Variants in SVOPL observed in about 807,000 individuals in gnomAD.
The protein encoded by SVOPL is putative transporter SVOPL.
A neutral mutation model predicts 61.0 loss-of-function variants in SVOPL; 60 were observed. The observed-to-expected ratio is 0.98, with a 90% CI of 0.80 to 1.22. SVOPL has a LOEUF of 1.22. Among genes scored for constraint, SVOPL ranks in the 50% most tolerant of loss-of-function variants. SVOPL has a pLI of 0.00. For missense variants in SVOPL, 662 were observed against 643.9 expected, an observed-to-expected ratio of 1.03 and a Z score of -0.30; for synonymous variants, 279 against 250.0, an observed-to-expected ratio of 1.12 and a Z score of -1.09.
chr7:138,651,361 G>T (rs1192900691), intron 7 of SVOPL, among the ~76,000 whole-genome samples: 3 of 152,124 alleles, frequency 2.0e-5, no homozygotes, highest in Admixed American at 6.6e-5. Context: ...AGGCCTCTTT[G>T]GTTGGTACAA....
chr7:138,634,483 GA>G (rs111254302), intron 9 of SVOPL, among the ~76,000 whole-genome samples: 18,935 of 136,488 alleles, frequency 0.14, 2,028 homozygotes, highest in African/African-American at 0.31. Flanking sequence ...TACAAAATAA[GA>G]AAAAAAAAAA....
intron 14 of SVOPL, among the ~76,000 whole-genome samples, chr7:138,602,079 C>T (rs1798547690): frequency 6.6e-6 from 1 of 152,076 alleles, no homozygotes; most frequent in East Asian, 1.9e-4. Flanking sequence ...CATGGTGGTG[C>T]ATGCTTATAG....
intron 5 of SVOPL, chr7:138,661,308 C>A: frequency 2.0e-6 from 2 of 985,436 alleles, no homozygotes; most frequent in Non-Finnish European, 1.2e-6. Flanking sequence ...GCTATACCAA[C>A]ATGAGCAAAA....
chr7:138,612,122 G>T (rs1388757438), intron 14 of SVOPL, among the ~76,000 whole-genome samples: 1 of 27,190 alleles, frequency 3.7e-5, no homozygotes, highest in Non-Finnish European at 7.9e-5. Flanking sequence ...TCTGAAACAT[G>T]TGCTGTGTCC....
intron 1 of SVOPL, among the ~76,000 whole-genome samples, chr7:138,700,739 C>G (rs1584876266): frequency 6.7e-6 from 1 of 149,438 alleles, no homozygotes; most frequent in East Asian, 1.9e-4. Context: ...TCAGTTAGAC[C>G]AACTCAGGAA....
At chr7:138,630,771 C>T (rs567703037) in intron 9 of SVOPL, among the ~76,000 whole-genome samples, 3 of 152,078 alleles carry the variant, frequency 2.0e-5, no homozygotes, top group Middle Eastern at 3.4e-3. Context: ...GGCGAAAGCC[C>T]GTCTCTACCA....
chr7:138,680,549 A>G (rs573840240), intron 1 of SVOPL, among the ~76,000 whole-genome samples: 2 of 151,512 alleles, frequency 1.3e-5, no homozygotes, highest in Admixed American at 1.3e-4. Context: ...GTACCAAGTC[A>G]GTGGCTTACC....
intron 13 of SVOPL, among the ~76,000 whole-genome samples, chr7:138,624,693 CT>C (rs35627200): frequency 3.9e-3 from 537 of 137,928 alleles, no homozygotes; most frequent in African/African-American, 6.2e-3. Context: ...TAGAACCAAA[CT>C]TTTTTTTTTT....
At chr7:138,665,997 G>A (rs1356872594) in intron 4 of SVOPL, among the ~76,000 whole-genome samples, 2 of 152,182 alleles carry the variant, frequency 1.3e-5, no homozygotes, top group Admixed American at 1.3e-4. Context: ...GCAACAGAGT[G>A]CATCACTGTC....
In SVOPL at chr7:138,630,088, G is replaced by T. The variant is rs771352943; in HGVS notation, c.824C>A (p.Ala275Asp). The change falls in exon 10 of 16, where the codon GCT (alanine) becomes GAT (aspartate). Residue 275 changes from alanine (A) to aspartate (D), a missense_variant. Physicochemically the swap from Ala to Asp is moderately radical, Grantham distance 126 (BLOSUM62 -2). Coordinates refer to ENST00000674285, the MANE Select transcript of SVOPL (RefSeq NM_001139456.2). ...KRGRFADLLD[A>D]KYLRTTLQIW... ...CTGTAATGTGGTCCGTAAATATTTA[G>T]CATCCAATAGGTCTGCAAATCTTCC... 6.2e-7 allele frequency: 1 copy of T among 1,613,888 alleles called. No homozygotes were observed. Among genetic ancestry groups the T allele is most frequent in the South Asian group, 1.1e-5 (1 of 91,080 alleles).
At chr7:138,647,429 T>C (rs755872170) in intron 8 of SVOPL, among the ~76,000 whole-genome samples, 10 of 152,084 alleles carry the variant, frequency 6.6e-5, no homozygotes, top group Non-Finnish European at 1.5e-4. Flanking sequence ...GATAGCTCTA[T>C]GGTCTTCCTG....
intron 4 of SVOPL, among the ~76,000 whole-genome samples, chr7:138,665,930 A>G (rs1802244931): frequency 6.6e-6 from 1 of 152,218 alleles, no homozygotes; most frequent in Non-Finnish European, 1.5e-5. Context: ...TCTGAAAACC[A>G]CAGCCTTGCA....
intron 9 of SVOPL, among the ~76,000 whole-genome samples, chr7:138,632,413 G>A (rs1221167334): frequency 6.6e-6 from 1 of 152,090 alleles, no homozygotes; most frequent in Non-Finnish European, 1.5e-5. Flanking sequence ...CAGCCTGGGT[G>A]ACAAGAGCAA....
At chr7:138,654,473 C>T (rs1801602049) in intron 7 of SVOPL, among the ~76,000 whole-genome samples, 1 of 146,692 alleles carries the variant, frequency 6.8e-6, no homozygotes, top group African/African-American at 2.5e-5. Context: ...GACAGCATGT[C>T]TGTTTACAGC....
At chr7:138,635,606 G>A (rs1248386198) in intron 9 of SVOPL, among the ~76,000 whole-genome samples, 1 of 152,104 alleles carries the variant, frequency 6.6e-6, no homozygotes, top group Non-Finnish European at 1.5e-5. Context: ...TAAATGTCCT[G>A]TGGAGAGAGA....
intron 9 of SVOPL, among the ~76,000 whole-genome samples, 167 bp downstream of exon 9, chr7:138,644,550 T>C (rs1800995214): frequency 6.6e-6 from 1 of 152,224 alleles, no homozygotes; most frequent in African/African-American, 2.4e-5. Context: ...TAGGCTCCCA[T>C]GGCTCACAGT....
chr7:138,594,501 C>T lies in SVOPL; in HGVS notation c.*109G>A. The T allele has an allele frequency of 2.1e-6, 2 of 946,880 alleles. No homozygotes were observed. The highest frequency in any genetic ancestry group is 3.1e-6 in the Non-Finnish European group (2 of 646,270). The allele number at this position is 946,880 out of a possible 1,614,324, so 58.7% of individuals were successfully genotyped here. On this transcript the variant is annotated 3_prime_UTR_variant, in exon 16 of 16. Transcript: ENST00000674285. ...TGCCTTTAAAAAAAAAATCACTTTACTAATTACCGAGTAGCATACAGAAGT... is the reference window on the plus strand; with the variant it reads ...TGCCTTTAAAAAAAAAATCACTTTATTAATTACCGAGTAGCATACAGAAGT...
rs113453546 is a variant in SVOPL at position 138,663,182 on chromosome 7, A to G, written c.274-37T>C. The stretch of plus-strand genomic sequence containing the variant: ...AGCGAGATAAAACGGTTCTCTAAGC[A>G]GGTTTTACATGTTACTTTACCCCGT... On this transcript the variant is annotated intron_variant, in intron 4 of 15. Coordinates refer to ENST00000674285, the MANE Select transcript of SVOPL (RefSeq NM_001139456.2). 1.8e-4 allele frequency: 286 copies of G among 1,602,136 alleles called. 3 individuals carry two copies. In the African/African-American group the frequency reaches 2.5e-3, roughly 14 times the overall value.
At chr7:138,629,158 T>TAC (rs1800047239) in intron 10 of SVOPL, among the ~76,000 whole-genome samples, 1 of 151,252 alleles carries the variant, frequency 6.6e-6, no homozygotes, top group South Asian at 2.1e-4. Flanking sequence ...TGTGTGTATA[T>TAC]ATGTATATAT....
Sources: allele counts gnomAD v4.1 joint callset (sites outside exome capture counted in the v4.1 genomes callset), GRCh38; gene constraint gnomAD v4.1.1; transcripts MANE v1.5; gene names NCBI Gene and HGNC (gene_info 2026-07-23, HGNC 2026-07-21).